The following HLCS variants were observed in gnomAD, a reference collection of about 807,000 sequenced individuals.
HLCS encodes the protein biotin--protein ligase.
In HLCS, 53 loss-of-function variants were observed where a neutral mutation model predicts 75.0. The observed-to-expected ratio is 0.71, with a 90% CI of 0.57 to 0.89. HLCS has a LOEUF of 0.89. HLCS is among the 40% of genes least tolerant of loss of function. The probability of loss-of-function intolerance (pLI) is 0.00; values close to 1 mark genes in which losing one functional copy is unlikely to be tolerated. For synonymous variants in HLCS, 431 were observed against 428.6 expected (o/e 1.01, Z -0.07); for missense variants, 966 against 1,074.0 (o/e 0.90, Z 1.41).
intron 2 of HLCS, chr21:36,946,067 G>A (rs1217083958): frequency 2.0e-6 from 2 of 975,958 alleles, no homozygotes; most frequent in South Asian, 4.7e-5. Flanking sequence ...GGGCCACAAG[G>A]GTGCTCTTAT....
chr21:36,793,750 G>C (rs1191056764), intron 6 of HLCS, among the ~76,000 whole-genome samples: 1 of 152,194 alleles, frequency 6.6e-6, no homozygotes, highest in Admixed American at 6.5e-5. Context: ...AAGCATGTTA[G>C]AGATAAATCA....
chr21:36,854,654 C>T (rs1272147073), intron 6 of HLCS, among the ~76,000 whole-genome samples: 1 of 152,118 alleles, frequency 6.6e-6, no homozygotes, highest in Non-Finnish European at 1.5e-5. Context: ...TGCAGGACTG[C>T]CCCCTAGGGG....
At chr21:36,832,355 A>T (rs964837611) in intron 6 of HLCS, among the ~76,000 whole-genome samples, 1 of 152,208 alleles carries the variant, frequency 6.6e-6, no homozygotes, top group Admixed American at 6.5e-5. Context: ...AGCACAGAGA[A>T]TCTCGATGAA....
At chr21:36,989,812 G>C (rs556592731) in intron 1 of HLCS, among the ~76,000 whole-genome samples, 4 of 152,282 alleles carry the variant, frequency 2.6e-5, no homozygotes, top group East Asian at 1.9e-4. Context: ...GCCCGTGGGA[G>C]GGGGACAGGG....
chr21:36,841,617 T>A (rs140573355), intron 6 of HLCS, among the ~76,000 whole-genome samples: 54 of 152,328 alleles, frequency 3.5e-4, no homozygotes, highest in African/African-American at 1.2e-3. Flanking sequence ...AACAGTATCA[T>A]CTTGGGCAAA....
chr21:36,854,882 G>A (rs2063133273), intron 6 of HLCS, among the ~76,000 whole-genome samples: 1 of 152,086 alleles, frequency 6.6e-6, no homozygotes, highest in Admixed American at 6.5e-5. Flanking sequence ...ATTTTTGCGG[G>A]TACACAGCAA....
At chr21:36,768,380 A>G (rs1282492511) in intron 6 of HLCS, among the ~76,000 whole-genome samples, 1 of 152,236 alleles carries the variant, frequency 6.6e-6, no homozygotes, top group East Asian at 1.9e-4. Context: ...TGAGAAGCTT[A>G]TCATCCTCCC....
intron 1 of HLCS, among the ~76,000 whole-genome samples, chr21:36,964,062 T>C (rs1441421860): frequency 6.6e-6 from 1 of 151,908 alleles, no homozygotes; most frequent in African/African-American, 2.4e-5. Context: ...CTGTCTCTAC[T>C]AAAAATACAA....
At chr21:36,894,859 T>TA (rs2064946955) in intron 6 of HLCS, among the ~76,000 whole-genome samples, 1 of 151,670 alleles carries the variant, frequency 6.6e-6, no homozygotes, top group African/African-American at 2.4e-5. Flanking sequence ...TTTTTTTTTT[T>TA]AAGTTTAATA....
chr21:36,955,593 T>A (rs2067896776), intron 2 of HLCS, among the ~76,000 whole-genome samples: 1 of 151,642 alleles, frequency 6.6e-6, no homozygotes, highest in African/African-American at 2.4e-5. Flanking sequence ...TACGAAAGAA[T>A]CAAAAATTTT....
chr21:36,977,104 A>G (rs1452709241), intron 1 of HLCS, among the ~76,000 whole-genome samples: 1 of 152,024 alleles, frequency 6.6e-6, no homozygotes, highest in African/African-American at 2.4e-5. Context: ...TTGTAAAGTG[A>G]CGTAGAACTG....
chr21:36,940,336 A>T (rs909684649), intron 2 of HLCS, among the ~76,000 whole-genome samples: 3 of 151,970 alleles, frequency 2.0e-5, no homozygotes, highest in African/African-American at 7.3e-5. Flanking sequence ...TTCCATTTTT[A>T]TTTATTTGTA....
At position 36,862,656 on chromosome 21, in the gene HLCS, T is replaced by A. The variant is rs557786483; in HGVS notation, c.1892+34204A>T. ...CCTACAAGTTCAGAACCTCTCCGCATCCGTTCCTCTCACCCTCCTGTAATG... is the reference window on the plus strand; with the variant it reads ...CCTACAAGTTCAGAACCTCTCCGCAACCGTTCCTCTCACCCTCCTGTAATG... On this transcript the variant is annotated intron_variant, in intron 6 of 10. Coordinates refer to ENST00000674895, the MANE Select transcript of HLCS (RefSeq NM_001352514.2). Among the ~76,000 whole-genome samples, 3 of 152,360 alleles carry A rather than the reference T, an allele frequency of 2.0e-5. No homozygotes were observed. In the South Asian group the frequency reaches 6.2e-4, roughly 32 times the overall value.
At chr21:36,895,717 C>T (rs927113900) in intron 6 of HLCS, among the ~76,000 whole-genome samples, 3 of 152,106 alleles carry the variant, frequency 2.0e-5, no homozygotes, top group African/African-American at 7.2e-5. Context: ...AAGAAAAAGG[C>T]CAAAATATTC....
intron 5 of HLCS, among the ~76,000 whole-genome samples, chr21:36,910,005 G>A (rs2065631228): frequency 6.6e-6 from 1 of 152,196 alleles, no homozygotes; most frequent in Admixed American, 6.5e-5. Context: ...CCAGAAGTGA[G>A]TTAATCAGAA....
At position 36,982,315 on chromosome 21, in the gene HLCS, A is replaced by G. The variant is rs186745943; in HGVS notation, c.-393+7843T>C. 2.7e-4 allele frequency among the ~76,000 whole-genome samples: 41 copies of G among 152,170 alleles called. 1 individual carries two copies. The highest frequency in any genetic ancestry group is 2.7e-3 in the Admixed American group (41 of 15,286). ...ACAAATAATATTGTTCTGAACATCC[A>G]CTCGTCTCCTGGAGCCCCTGGGCAA... is the stretch of plus-strand genomic sequence containing the variant. On this transcript the variant is annotated intron_variant, in intron 1 of 11. Transcript: ENST00000336648.
rs761549990 is a variant in HLCS, at chr21:36,793,295, C to CTTTTTTTTTTTTTTTTTTTTTTTTTTT, written c.1893-26011_1893-26010insAAAAAAAAAAAAAAAAAAAAAAAAAAA. On this transcript the variant is annotated intron_variant, in intron 6 of 10. Transcript: ENST00000674895. ...AGAACACGGGACAGCAGGAAGCAGT[C>CTTTTTTTTTTTTTTTTTTTTTTTTTTT]TTTTTTTTTTTTTTTTTTGAGATAG... Among the ~76,000 whole-genome samples, 4 of 116,252 alleles carry CTTTTTTTTTTTTTTTTTTTTTTTTTTT rather than the reference C, an allele frequency of 3.4e-5. 1 individual carries two copies. Among genetic ancestry groups the CTTTTTTTTTTTTTTTTTTTTTTTTTTT allele is most frequent in the African/African-American group, 1.3e-4 (4 of 31,154 alleles). The allele number at this position is 116,252 out of a possible 152,430, so 76.3% of individuals were successfully genotyped here. A position where few individuals can be genotyped will look rare whatever the true frequency, so the allele number is the denominator to read the frequency against.
chr21:36,831,009 C>T (rs1013366346), intron 6 of HLCS, among the ~76,000 whole-genome samples: 5 of 152,154 alleles, frequency 3.3e-5, no homozygotes, highest in Middle Eastern at 3.4e-3. Flanking sequence ...TCCCCAAATT[C>T]GGTTTAAATC....
chr21:36,914,602 A>C (rs2065851349), intron 5 of HLCS, among the ~76,000 whole-genome samples: 1 of 152,248 alleles, frequency 6.6e-6, no homozygotes, highest in South Asian at 2.1e-4. Flanking sequence ...GCAGGGAGTG[A>C]ATAAGTCATT....
Sources: gnomAD v4.1 joint callset for allele counts (sites outside exome capture counted in the v4.1 genomes callset) on GRCh38, gnomAD v4.1.1 for gene constraint, MANE v1.5 for transcripts, NCBI Gene and HGNC (gene_info 2026-07-23, HGNC 2026-07-21) for gene names.